ETV1: variants seen among roughly 807,000 people sequenced by gnomAD.
ETV1 encodes the protein ETS variant transcription factor 1.
In ETV1, 27 loss-of-function variants were observed where a neutral mutation model predicts 62.3. That is an observed-to-expected ratio of 0.43 (90% CI 0.32 to 0.60). The LOEUF (loss-of-function observed/expected upper bound fraction) is 0.60. Among genes scored for constraint, ETV1 ranks in the 20% least tolerant of loss-of-function variants. The pLI, the probability that ETV1 is intolerant of heterozygous loss-of-function variation, is 0.06. For missense variants in ETV1, 605 were observed against 605.8 expected (o/e 1.00, Z 0.01); for synonymous variants, 222 against 199.6 (o/e 1.11, Z -0.94).
chr7:13,988,612 G>GTT, intron 3 of ETV1: 1 of 1,093,290 alleles, frequency 9.1e-7, no homozygotes, highest in Non-Finnish European at 1.1e-6. Flanking sequence ...AAAAAAAAGA[G>GTT]AAAATGAGAA....
At position 13,939,126 on chromosome 7, in the gene ETV1, T is replaced by C. The variant is rs368739038; in HGVS notation, c.356A>G (p.Tyr119Cys). ...FKFSYGEKCL[Y>C]NVSAYDQKPQ... ...CACCTGGTGGCTTTACCTGACATTGTACAGGCACTTTTCTCCATAGCTGAA... is the reference window on the plus strand; with the variant it reads ...CACCTGGTGGCTTTACCTGACATTGCACAGGCACTTTTCTCCATAGCTGAA... Residue 119 changes from tyrosine to cysteine, a missense_variant, in exon 7 of 14, where the codon TAC (tyrosine) becomes TGC (cysteine). Physicochemically the swap from Tyr to Cys is radical, Grantham distance 194 (BLOSUM62 -2). Transcript: ENST00000430479. 86 of 1,612,932 alleles carry C rather than the reference T, an allele frequency of 5.3e-5. No individual in the cohort carries two copies. Among genetic ancestry groups the C allele is most frequent in the Non-Finnish European group, 6.4e-5 (76 of 1,179,608 alleles).
At position 13,931,586 on chromosome 7, in the gene ETV1, T is replaced by C. The variant is rs767959199; in HGVS notation, c.718A>G (p.Thr240Ala). ...TGGCTGGCCGCACTGCCAACCATGG[T>C]GTTGTGTTCATACACTGGGTCGTGG... Reference protein sequence around the residue: ...EYHDPVYEHNTMVGSAASQSF... With the variant: ...EYHDPVYEHNAMVGSAASQSF... Residue 240 changes from threonine to alanine, a missense_variant, in exon 9 of 14, where the codon ACC becomes GCC. Coordinates refer to ENST00000430479, the MANE Select transcript of ETV1 (RefSeq NM_004956.5). 18 of 1,613,894 alleles carry C rather than the reference T, an allele frequency of 1.1e-5. No individual in the cohort carries two copies. The highest frequency in any genetic ancestry group is 5.0e-5 in the Admixed American group (3 of 59,998).
At chr7:13,929,211 A>C (rs1785796361) in intron 9 of ETV1, among the ~76,000 whole-genome samples, 1 of 152,194 alleles carries the variant, frequency 6.6e-6, no homozygotes, top group Non-Finnish European at 1.5e-5. Flanking sequence ...CAGGGTTCTT[A>C]ATTAGAGACA....
chr7:13,988,265 C>T (rs1332100491), intron 3 of ETV1, 92 bp from the exon 4 acceptor site: 1 of 751,642 alleles, frequency 1.3e-6, no homozygotes, highest in East Asian at 2.5e-5. Context: ...CACAGACATG[C>T]ATACATAAGT....
intron 6 of ETV1, among the ~76,000 whole-genome samples, chr7:13,961,989 G>A (rs959837100): frequency 1.3e-5 from 2 of 152,030 alleles, no homozygotes; most frequent in African/African-American, 4.8e-5. Context: ...CATTATTTAT[G>A]AGTATGAAGA....
At chr7:13,973,644 C>CT (rs142811728) in intron 6 of ETV1, among the ~76,000 whole-genome samples, 13,873 of 148,638 alleles carry the variant, frequency 0.093, 1,056 homozygotes, top group African/African-American at 0.21. Context: ...TATCCTTCCA[C>CT]TTTTTTTTTT....
intron 6 of ETV1, among the ~76,000 whole-genome samples, chr7:13,964,074 G>A (rs973927776): frequency 8.5e-5 from 13 of 152,166 alleles, no homozygotes; most frequent in South Asian, 8.3e-4. Flanking sequence ...CTACAGACCC[G>A]TGAGTTGAGA....
chr7:13,973,921 A>ATT (rs1264782734), intron 6 of ETV1, among the ~76,000 whole-genome samples: 2 of 152,168 alleles, frequency 1.3e-5, no homozygotes, highest in East Asian at 3.9e-4. Context: ...GATGCTTAGG[A>ATT]GGAAATAAGC....
At chr7:13,899,212 A>T (rs1004888269) in intron 13 of ETV1, among the ~76,000 whole-genome samples, 2 of 152,128 alleles carry the variant, frequency 1.3e-5, no homozygotes, top group Non-Finnish European at 2.9e-5. Context: ...AAAAGAAAGG[A>T]ATGGAATGTA....
intron 3 of ETV1, chr7:13,988,564 CAAA>C (rs11364123): frequency 1.8e-5 from 7 of 388,866 alleles, no homozygotes; most frequent in Middle Eastern, 6.9e-4. Flanking sequence ...CCCACCCCCA[CAAA>C]AAAAAAAAGC....
At chr7:13,959,714 T>A (rs1789931552) in intron 6 of ETV1, among the ~76,000 whole-genome samples, 1 of 151,744 alleles carries the variant, frequency 6.6e-6, no homozygotes, top group Admixed American at 6.6e-5. Flanking sequence ...TGAAACCCTG[T>A]CTCTACTAAA....
chr7:13,932,043 C>CA (rs201107054), intron 8 of ETV1, among the ~76,000 whole-genome samples: 2,092 of 119,356 alleles, frequency 0.018, 57 homozygotes, highest in African/African-American at 0.065. Context: ...ATTTTACACA[C>CA]CCACACACAC....
intron 6 of ETV1, among the ~76,000 whole-genome samples, chr7:13,963,531 C>CAA (rs11303542): frequency 6.7e-5 from 7 of 105,098 alleles, no homozygotes; most frequent in East Asian, 2.5e-4. Flanking sequence ...CCAATCTTGG[C>CAA]AAAAAAAAAA....
chr7:13,923,625 G>A (rs2282875), intron 9 of ETV1, among the ~76,000 whole-genome samples: 6,740 of 152,068 alleles, frequency 0.044, 197 homozygotes, highest in East Asian at 0.13. Context: ...ACAGATAACC[G>A]TTCTCTAAAT....
intron 8 of ETV1, among the ~76,000 whole-genome samples, chr7:13,933,537 G>C (rs1309329743): frequency 6.6e-6 from 1 of 152,212 alleles, no homozygotes; most frequent in Non-Finnish European, 1.5e-5. Context: ...GCAGAGTGAG[G>C]CTGAGGAAAG....
At chr7:13,916,139 C>T (rs943192939) in intron 9 of ETV1, among the ~76,000 whole-genome samples, 2 of 152,148 alleles carry the variant, frequency 1.3e-5, no homozygotes, top group African/African-American at 2.4e-5. Flanking sequence ...TTAGTATTAC[C>T]TCACTCACAC....
Position 13,891,442 on chromosome 7 carries a change from C to T in ETV1, c.*4424G>A, listed in dbSNP as rs1434393668. 10 of 231,504 alleles carry T rather than the reference C, an allele frequency of 4.3e-5. No individual in the cohort carries two copies. Among genetic ancestry groups the T allele is most frequent in the East Asian group, 6.1e-5 (1 of 16,262 alleles). The allele number at this position is 231,504 out of a possible 1,614,324, so 14.3% of individuals were successfully genotyped here. A position where few individuals can be genotyped will look rare whatever the true frequency, so the allele number is the denominator to read the frequency against. On this transcript the variant is annotated 3_prime_UTR_variant, in exon 14 of 14. Coordinates refer to ENST00000430479, the MANE Select transcript of ETV1 (RefSeq NM_004956.5). Reference sequence around the variant, plus strand: ...TATATGCAAAAAAGACCCTACCTTACATATGAATCCATAAACAATAGCCAC... The same window carrying T: ...TATATGCAAAAAAGACCCTACCTTATATATGAATCCATAAACAATAGCCAC...
intron 9 of ETV1, among the ~76,000 whole-genome samples, chr7:13,918,780 C>T (rs1410702717): frequency 6.7e-6 from 1 of 149,588 alleles, no homozygotes; most frequent in Non-Finnish European, 1.5e-5. Context: ...TGCTAGATGA[C>T]GAGTTAGTGG....
chr7:13,899,182 G>A (rs1366821407), intron 13 of ETV1, among the ~76,000 whole-genome samples: 5 of 152,268 alleles, frequency 3.3e-5, no homozygotes, highest in East Asian at 1.9e-4. Flanking sequence ...ATGTGCCCCC[G>A]CATTAGGAAG....
Sources: allele counts gnomAD v4.1 joint callset (sites outside exome capture counted in the v4.1 genomes callset), GRCh38; gene constraint gnomAD v4.1.1; transcripts MANE v1.5; gene names NCBI Gene and HGNC (gene_info 2026-07-23, HGNC 2026-07-21).